OPRM1: variants seen among roughly 807,000 people sequenced by gnomAD.
OPRM1 encodes the protein mu-type opioid receptor.
A neutral mutation model predicts 31.8 loss-of-function variants in OPRM1; 27 were observed. The observed-to-expected ratio is 0.85, with a 90% CI of 0.63 to 1.17. OPRM1 has a LOEUF of 1.17. Ranked by LOEUF, OPRM1 falls within the 50% of genes most tolerant of loss-of-function variation. The pLI, the probability that OPRM1 is intolerant of heterozygous loss-of-function variation, is 0.00. For missense variants in OPRM1, 536 were observed against 511.1 expected (o/e 1.05, Z -0.47); for synonymous variants, 196 against 189.9 (o/e 1.03, Z -0.26).
At chr6:154,017,565 T>C (rs1778077852) in intron 1 of OPRM1, among the ~76,000 whole-genome samples, 1 of 152,142 alleles carries the variant, frequency 6.6e-6, no homozygotes, top group Admixed American at 6.6e-5. Context: ...CTATCTCATG[T>C]GGTTATTCAA....
intron 1 of OPRM1, among the ~76,000 whole-genome samples, chr6:154,013,740 C>T (rs1007823890): frequency 6.6e-6 from 1 of 152,060 alleles, no homozygotes; most frequent in Non-Finnish European, 1.5e-5. Context: ...GTGATCAAAG[C>T]TGACCCTGGC....
chr6:154,040,179 C>A (rs536170485), intron 1 of OPRM1, among the ~76,000 whole-genome samples: 1 of 152,194 alleles, frequency 6.6e-6, no homozygotes, highest in Admixed American at 6.5e-5. Flanking sequence ...GAGTCCTACA[C>A]TCAGTCCCTC....
At chr6:154,221,425 G>C (rs1330233300) in intron 3 of OPRM1, 3 of 896,240 alleles carry the variant, frequency 3.3e-6, no homozygotes, top group African/African-American at 3.4e-5. Flanking sequence ...TTGTAAACTT[G>C]TCTGCTTTCT....
chr6:154,030,179 A>T (rs1778929582), intron 1 of OPRM1, among the ~76,000 whole-genome samples: 1 of 144,508 alleles, frequency 6.9e-6, no homozygotes, highest in African/African-American at 2.9e-5. Flanking sequence ...CATACTGTAG[A>T]CCTCTGAGAG....
At chr6:154,106,400 G>A (rs1007034556) in intron 3 of OPRM1, among the ~76,000 whole-genome samples, 1 of 152,210 alleles carries the variant, frequency 6.6e-6, no homozygotes, top group African/African-American at 2.4e-5. Context: ...GATAAGAGCT[G>A]GCTCTCCAGC....
At chr6:154,192,327 TG>T (rs2128582335) in intron 3 of OPRM1, among the ~76,000 whole-genome samples, 1 of 142,420 alleles carries the variant, frequency 7.0e-6, no homozygotes, top group East Asian at 1.9e-4. Flanking sequence ...ACTGTGTGTG[TG>T]TGTGTGTGTG....
Position 154,023,849 on chromosome 6 carries a change from A to G in OPRM1, c.-1+12831A>G, listed in dbSNP as rs191823888. Among the ~76,000 whole-genome samples the G allele has an allele frequency of 8.5e-5, 13 of 152,186 alleles. No homozygotes were observed. In the East Asian group the frequency reaches 2.1e-3, roughly 25 times the overall value. ...TCATTCTGTTGATACTATGTATCAC[A>G]TTGATTGATTTGTGTATGCTTTGAA... On this transcript the variant is annotated intron_variant, in intron 1 of 5. Coordinates refer to the OPRM1 transcript ENST00000434900.
At chr6:154,152,156 T>A (rs1490232631) in intron 3 of OPRM1, among the ~76,000 whole-genome samples, 9 of 97,054 alleles carry the variant, frequency 9.3e-5, no homozygotes, top group Admixed American at 1.4e-4. Context: ...CAGCCAACAG[T>A]GAGACTTTGA....
In OPRM1 at chr6:154,011,119, T is replaced by C; in HGVS notation, c.-1+101T>C. On this transcript the variant is annotated intron_variant, in intron 1 of 5. Transcript: ENST00000434900. ...CTTGACACTCATCTCTTAAATGCTA[T>C]ACATTCTACCTTGTCCCTGTGATGT... 9.4e-6 allele frequency: 10 copies of C among 1,066,074 alleles called. No homozygotes were observed. The South Asian group carries it at 1.3e-4, about 14-fold the overall frequency. 66.0% of individuals were successfully genotyped at this position (1,066,074 alleles called of 1,614,324 possible).
intron 3 of OPRM1, among the ~76,000 whole-genome samples, chr6:154,147,268 G>A (rs917909626): frequency 1.3e-5 from 2 of 152,116 alleles, no homozygotes. Context: ...CTCTTCTCTC[G>A]CTCATGTTCT....
intron 3 of OPRM1, chr6:154,200,018 G>A: frequency 1.9e-6 from 3 of 1,613,462 alleles, no homozygotes; most frequent in Non-Finnish European, 2.5e-6. Context: ...GCTGGGTGAG[G>A]ATGAAGATGC....
chr6:154,023,128 G>C (rs1778482634), intron 1 of OPRM1, among the ~76,000 whole-genome samples: 1 of 152,160 alleles, frequency 6.6e-6, no homozygotes, highest in Non-Finnish European at 1.5e-5. Flanking sequence ...TAAATTTGTA[G>C]ATTGATGTCA....
In OPRM1 at chr6:154,039,520, C is replaced by G. The variant is rs41292890; in HGVS notation, c.-25C>G. Reference sequence around the variant, plus strand: ...CGGTGCTCCTGGCTACCTCGCACAGCGGTGCCCGCCCGGCCGTCAGTACCA... The same window carrying G: ...CGGTGCTCCTGGCTACCTCGCACAGGGGTGCCCGCCCGGCCGTCAGTACCA... On this transcript the variant is annotated 5_prime_UTR_variant, in exon 1 of 4. Coordinates refer to ENST00000330432, the MANE Select transcript of OPRM1 (RefSeq NM_000914.5). 6.3e-7 allele frequency: 1 copy of G among 1,594,832 alleles called. No homozygotes were observed. Among genetic ancestry groups the G allele is most frequent in the Admixed American group, 1.8e-5 (1 of 56,866 alleles).
At chr6:154,029,057 A>G (rs576175636) in intron 1 of OPRM1, among the ~76,000 whole-genome samples, 1 of 152,234 alleles carries the variant, frequency 6.6e-6, no homozygotes, top group East Asian at 1.9e-4. Context: ...CAGAAATCCA[A>G]TATTATTATC....
At chr6:154,173,717 G>T (rs988705300) in intron 3 of OPRM1, among the ~76,000 whole-genome samples, 2 of 152,180 alleles carry the variant, frequency 1.3e-5, no homozygotes, top group Non-Finnish European at 2.9e-5. Context: ...GAAAGTGACG[G>T]GGAGAATGGG....
Position 154,125,349 on chromosome 6 carries a change from G to A in OPRM1, c.*6628G>A, listed in dbSNP as rs570431411. Among the ~76,000 whole-genome samples the A allele has an allele frequency of 2.6e-5, 4 of 152,228 alleles. No individual in the cohort carries two copies. The highest frequency in any genetic ancestry group is 4.1e-4 in the South Asian group (2 of 4,830). On this transcript the variant is annotated 3_prime_UTR_variant, in exon 4 of 4. Coordinates refer to ENST00000330432, the MANE Select transcript of OPRM1 (RefSeq NM_000914.5). Reference sequence around the variant, plus strand: ...ATGAATCAAATATCGTTTTCTACCTGCCCCACAACTGTGTACATAAAACCT... The same window carrying A: ...ATGAATCAAATATCGTTTTCTACCTACCCCACAACTGTGTACATAAAACCT...
At chr6:154,233,116 G>A (rs1467135937) in intron 3 of OPRM1, among the ~76,000 whole-genome samples, 2 of 151,958 alleles carry the variant, frequency 1.3e-5, no homozygotes. Context: ...TTACAGGCAT[G>A]TGCCGCCACG....
chr6:154,152,388 G>GAAAGAA (rs1401388362), intron 3 of OPRM1, among the ~76,000 whole-genome samples: 1 of 151,070 alleles, frequency 6.6e-6, no homozygotes. Context: ...AAGAAAGAAA[G>GAAAGAA]AAAGAGAAAT....
At chr6:154,235,174 A>G (rs948832497) in intron 3 of OPRM1, among the ~76,000 whole-genome samples, 1 of 152,250 alleles carries the variant, frequency 6.6e-6, no homozygotes, top group African/African-American at 2.4e-5. Context: ...GGAGAAGAAT[A>G]GATAAAGGAG....
Sources: allele counts gnomAD v4.1 joint callset (sites outside exome capture counted in the v4.1 genomes callset), GRCh38; gene constraint gnomAD v4.1.1; transcripts MANE v1.5; gene names NCBI Gene and HGNC (gene_info 2026-07-23, HGNC 2026-07-21).